The following LIPC variants were observed in gnomAD, a reference collection of about 807,000 sequenced individuals.
LIPC encodes lipase C, hepatic type.
Under a neutral mutation model 50.7 loss-of-function variants are expected in LIPC, and 44 were observed. The ratio of observed to expected loss-of-function variants is 0.87; its 90% CI spans 0.68 to 1.11. LIPC has a LOEUF of 1.11. Ranked by LOEUF, LIPC falls within the 50% of genes most tolerant of loss-of-function variation. The pLI is 0.00. For synonymous variants in LIPC, 271 were observed against 256.4 expected (o/e 1.06, Z -0.54); for missense variants, 697 against 648.2 (o/e 1.08, Z -0.82).
At chr15:58,539,014 G>A (rs775988650) in intron 2 of LIPC, among the ~76,000 whole-genome samples, 5 of 152,156 alleles carry the variant, frequency 3.3e-5, no homozygotes, top group South Asian at 2.1e-4. Context: ...CCCAAAAACC[G>A]GCTAGACAGC....
At chr15:58,525,353 C>T (rs1335209019) in intron 1 of LIPC, among the ~76,000 whole-genome samples, 6 of 152,206 alleles carry the variant, frequency 3.9e-5, no homozygotes, top group Non-Finnish European at 5.9e-5. Context: ...CTTTACGGTA[C>T]GTGTTAGTAT....
intron 1 of LIPC, among the ~76,000 whole-genome samples, chr15:58,486,450 A>T (rs1335406148): frequency 6.6e-6 from 1 of 152,182 alleles, no homozygotes; most frequent in Non-Finnish European, 1.5e-5. Flanking sequence ...GCTGTCTTGC[A>T]CTCATTGGTT....
At chr15:58,490,389 T>TCC (rs1186234598) in intron 1 of LIPC, among the ~76,000 whole-genome samples, 8 of 152,212 alleles carry the variant, frequency 5.3e-5, no homozygotes, top group African/African-American at 1.9e-4. Context: ...CTCCGGCTAA[T>TCC]CTGAACATAT....
At chr15:58,489,221 GGC>G (rs150080975) in intron 1 of LIPC, among the ~76,000 whole-genome samples, 4,481 of 100,536 alleles carry the variant, frequency 0.045, 1,400 homozygotes, top group African/African-American at 0.13. Context: ...TTGTTGCGGG[GGC>G]GGGGGGGCGG....
intron 1 of LIPC, among the ~76,000 whole-genome samples, chr15:58,438,928 A>T (rs61182920): frequency 0.067 from 10,137 of 152,202 alleles, 327 homozygotes; most frequent in Middle Eastern, 0.1. Context: ...GTGGGGAGGC[A>T]TGGGGAAAAA....
chr15:58,543,501 G>C (rs1893410882), intron 4 of LIPC, among the ~76,000 whole-genome samples: 1 of 151,936 alleles, frequency 6.6e-6, no homozygotes, highest in African/African-American at 2.4e-5. Flanking sequence ...TGTTTGCTTT[G>C]CCCACCACTC....
intron 1 of LIPC, among the ~76,000 whole-genome samples, chr15:58,518,808 G>A (rs1892560549): frequency 6.6e-6 from 1 of 152,226 alleles, no homozygotes; most frequent in Middle Eastern, 3.4e-3. Flanking sequence ...ACATCTGCTG[G>A]TGGTGTTGCC....
chr15:58,485,403 G>C (rs146550491), intron 1 of LIPC, among the ~76,000 whole-genome samples: 2 of 152,318 alleles, frequency 1.3e-5, no homozygotes, highest in Non-Finnish European at 2.9e-5. Flanking sequence ...GCACTTGTTT[G>C]TCACAGGTTT....
At position 58,445,161 on chromosome 15, in the gene LIPC, T is replaced by C. The variant is rs538786820; in HGVS notation, c.88+13041T>C. 1.5e-4 allele frequency among the ~76,000 whole-genome samples: 23 copies of C among 152,294 alleles called. No homozygotes were observed. In the South Asian group the frequency reaches 3.9e-3, roughly 26 times the overall value. On this transcript the variant is annotated intron_variant, in intron 1 of 8. Coordinates refer to ENST00000299022, the MANE Select transcript of LIPC (RefSeq NM_000236.3). ...GCATCCTCCCTCTTCAACAGAATGA[T>C]TGGGACTTTCTGGCAGCATAAGCAA... is the stretch of plus-strand genomic sequence containing the variant.
At chr15:58,565,226 T>A in intron 8 of LIPC, 1 of 1,535,734 alleles carries the variant, frequency 6.5e-7, no homozygotes, top group Non-Finnish European at 8.7e-7. Context: ...TCGCTCCTCT[T>A]CTGCACTGAG....
chr15:58,529,095 CAGGA>C (rs1892873420), intron 1 of LIPC, among the ~76,000 whole-genome samples: 1 of 152,196 alleles, frequency 6.6e-6, no homozygotes, highest in Non-Finnish European at 1.5e-5. Context: ...ATGTCTGGTA[CAGGA>C]ATGAAGGATA....
Position 58,489,958 on chromosome 15 carries a change from C to T in LIPC, c.89-48375C>T, listed in dbSNP as rs191618434. ...CAACTATGTCAGATTTCTCTGTCAT[C>T]ATTTCACAAAGGCAGTTTCACTGTG... On this transcript the variant is annotated intron_variant, in intron 1 of 8. Coordinates refer to ENST00000299022, the MANE Select transcript of LIPC (RefSeq NM_000236.3). Among the ~76,000 whole-genome samples, 50 of 152,194 alleles carry T rather than the reference C, an allele frequency of 3.3e-4. 1 individual carries two copies. The highest frequency in any genetic ancestry group is 2.9e-5 in the Non-Finnish European group (2 of 68,022).
chr15:58,542,078 T>C, intron 3 of LIPC, 111 bp downstream of exon 3: 1 of 1,231,056 alleles, frequency 8.1e-7, no homozygotes, highest in South Asian at 1.3e-5. Flanking sequence ...GAAGCACTAA[T>C]GCTCAGCTCA....
chr15:58,444,498 A>T (rs531813321), intron 1 of LIPC, among the ~76,000 whole-genome samples: 3 of 152,232 alleles, frequency 2.0e-5, no homozygotes, highest in East Asian at 1.9e-4. Context: ...TCAACAACAG[A>T]AATGTATTTT....
In LIPC at chr15:58,568,779, C is replaced by A. The variant is rs368480899; in HGVS notation, c.1452C>A (p.Phe484Leu). 6.2e-7 allele frequency: 1 copy of A among 1,611,190 alleles called. No homozygotes were observed. Among genetic ancestry groups the A allele is most frequent in the South Asian group, 1.1e-5 (1 of 90,884 alleles). Residue 484 changes from phenylalanine to leucine, a missense_variant, in exon 9 of 9, where the codon TTC becomes TTA. Transcript: ENST00000299022. ...TTCGCCCAACCCAGGAAAAAATCTTCGTGAAATGTGAAATAAAGTCTAAAA... is the reference window on the plus strand; with the variant it reads ...TTCGCCCAACCCAGGAAAAAATCTTAGTGAAATGTGAAATAAAGTCTAAAA... ...LLLRPTQEKI[F>L]VKCEIKSKTS...
rs113234775 is a variant in LIPC, at chr15:58,432,297, T to A, written c.88+177T>A. The A allele has an allele frequency of 1.1e-3, 692 of 641,730 alleles. 6 individuals carry two copies. In the African/African-American group the frequency reaches 0.012, roughly 11 times the overall value. 39.8% of individuals were successfully genotyped at this position (641,730 alleles called of 1,614,324 possible). A position where few individuals can be genotyped will look rare whatever the true frequency, so the allele number is the denominator to read the frequency against. On this transcript the variant is annotated intron_variant, in intron 1 of 8. Transcript: ENST00000299022. ...ACACGTAGCCGTTTGTAAACAGAAA[T>A]GAAATTTTAGAAAATCATCCTCGGA...
At chr15:58,533,115 T>A (rs1383392026) in intron 1 of LIPC, 1 of 975,166 alleles carries the variant, frequency 1.0e-6, no homozygotes, top group Admixed American at 6.2e-5. Context: ...AAAACCACAG[T>A]ATCATCCCCA....
chr15:58,551,990 AAACGAGGC>A (rs1336615801), intron 6 of LIPC, among the ~76,000 whole-genome samples: 2 of 152,228 alleles, frequency 1.3e-5, no homozygotes, highest in Non-Finnish European at 2.9e-5. Context: ...TCGCCGAGTG[AAACGAGGC>A]AATTTATCGC....
intron 1 of LIPC, chr15:58,498,716 C>T (rs1274916537): frequency 2.6e-5 from 4 of 152,240 alleles, no homozygotes; most frequent in Non-Finnish European, 5.9e-5. Context: ...CTGCAGCCCA[C>T]ACCATCTGAT....
Sources: gnomAD v4.1 joint callset for allele counts (sites outside exome capture counted in the v4.1 genomes callset) on GRCh38, gnomAD v4.1.1 for gene constraint, MANE v1.5 for transcripts, NCBI Gene and HGNC (gene_info 2026-07-23, HGNC 2026-07-21) for gene names.